ARHGAP24: variants seen among roughly 807,000 people sequenced by gnomAD.
ARHGAP24 encodes Rho GTPase activating protein 24, also known as rho GTPase-activating protein 24.
A neutral mutation model predicts 76.4 loss-of-function variants in ARHGAP24; 50 were observed. The observed-to-expected ratio is 0.65, with a 90% CI of 0.52 to 0.83. The LOEUF (loss-of-function observed/expected upper bound fraction) is 0.83, where lower values mean the gene tolerates loss of function less well. ARHGAP24 is among the 40% of genes least tolerant of loss of function. ARHGAP24 has a pLI of 0.00. For missense variants in ARHGAP24, 930 were observed against 914.2 expected (o/e 1.02, Z -0.22); for synonymous variants, 345 against 323.3 (o/e 1.07, Z -0.72).
chr4:85,944,644 G>C (rs1455087364), intron 5 of ARHGAP24, among the ~76,000 whole-genome samples: 3 of 152,032 alleles, frequency 2.0e-5, no homozygotes, highest in South Asian at 4.2e-4. Context: ...TCTTTGTCTG[G>C]GGCCTCTTTT....
intron 3 of ARHGAP24, chr4:85,779,048 C>G (rs1481607293): frequency 2.2e-6 from 2 of 891,670 alleles, no homozygotes; most frequent in South Asian, 5.2e-5. Flanking sequence ...TTTTTTTCCT[C>G]CCTCTTCACC....
intron 9 of ARHGAP24, among the ~76,000 whole-genome samples, chr4:85,997,857 ATGT>A (rs1740777836): frequency 6.6e-6 from 1 of 151,836 alleles, no homozygotes; most frequent in South Asian, 2.1e-4. Context: ...GGGTTTTACC[ATGT>A]TGGCCAGGCA....
chr4:85,733,600 A>C (rs1263458123), intron 3 of ARHGAP24, among the ~76,000 whole-genome samples: 2 of 152,132 alleles, frequency 1.3e-5, no homozygotes, highest in Non-Finnish European at 2.9e-5. Context: ...TGGGTGACAT[A>C]AGCAACAGAA....
intron 3 of ARHGAP24, among the ~76,000 whole-genome samples, chr4:85,747,832 C>CTAAA (rs1726107676): frequency 6.6e-6 from 1 of 152,140 alleles, no homozygotes; most frequent in Admixed American, 6.5e-5. Context: ...AGGACAGAAC[C>CTAAA]TAAATCATCA....
At chr4:85,848,009 A>G (rs1303285687) in intron 3 of ARHGAP24, among the ~76,000 whole-genome samples, 1 of 152,192 alleles carries the variant, frequency 6.6e-6, no homozygotes, top group Non-Finnish European at 1.5e-5. Context: ...AATAAATAGG[A>G]GAGATAGTCA....
chr4:85,749,418 C>G (rs998325658), intron 3 of ARHGAP24, among the ~76,000 whole-genome samples: 1 of 152,122 alleles, frequency 6.6e-6, no homozygotes, highest in East Asian at 1.9e-4. Flanking sequence ...AAATTATTAC[C>G]AGTTGATATA....
chr4:85,843,616 G>A (rs574746913), intron 3 of ARHGAP24, among the ~76,000 whole-genome samples: 31 of 151,978 alleles, frequency 2.0e-4, no homozygotes, highest in Admixed American at 1.2e-3. Flanking sequence ...ACATATCAAC[G>A]TATTTTGTGT....
intron 1 of ARHGAP24, among the ~76,000 whole-genome samples, chr4:85,564,355 G>A (rs1578039128): frequency 1.3e-5 from 2 of 148,488 alleles, no homozygotes; most frequent in East Asian, 4.0e-4. Flanking sequence ...AGAACACTTG[G>A]ACACAGGAAG....
At chr4:85,628,670 T>A (rs966587037) in intron 2 of ARHGAP24, among the ~76,000 whole-genome samples, 1 of 152,208 alleles carries the variant, frequency 6.6e-6, no homozygotes, top group Admixed American at 6.5e-5. Context: ...CTTTATTTAT[T>A]TAGGTGCTCT....
At chr4:85,652,340 G>A (rs1012434907) in intron 2 of ARHGAP24, among the ~76,000 whole-genome samples, 1 of 152,118 alleles carries the variant, frequency 6.6e-6, no homozygotes, top group Admixed American at 6.6e-5. Flanking sequence ...TTACTTTACT[G>A]ACTCCGTCTA....
chr4:85,716,991 C>G (rs1030371965), intron 2 of ARHGAP24, among the ~76,000 whole-genome samples: 1 of 151,960 alleles, frequency 6.6e-6, no homozygotes, highest in African/African-American at 2.4e-5. Context: ...ATCAAGAGAG[C>G]TTGGTTTATG....
rs979621591 is a variant in ARHGAP24 at position 85,995,533 on chromosome 4, A to G, written c.1879A>G (p.Ser627Gly). 1.2e-6 allele frequency: 2 copies of G among 1,609,144 alleles called. No individual in the cohort carries two copies. Among genetic ancestry groups the G allele is most frequent in the African/African-American group, 1.3e-5 (1 of 74,836 alleles). ...GGRSSRATSS[S>G]DNSETFVGNS... ...TCGAAGTAGTCGTGCCACCAGTAGC[A>G]GTGACAACAGTGAGACATTTGTGGG... Residue 627 changes from serine (S) to glycine (G), a missense_variant, in exon 9 of 10, where the codon AGT becomes GGT. Coordinates refer to ENST00000395184, the MANE Select transcript of ARHGAP24 (RefSeq NM_001025616.3).
chr4:85,672,355 G>A (rs545524024), intron 2 of ARHGAP24, among the ~76,000 whole-genome samples: 3 of 152,154 alleles, frequency 2.0e-5, no homozygotes, highest in East Asian at 3.9e-4. Context: ...CTTTCCTTTG[G>A]GAGTGAGCAA....
In ARHGAP24 at chr4:85,674,180, G is replaced by A. The variant is rs115993626; in HGVS notation, c.181-47705G>A. Among the ~76,000 whole-genome samples, 262 of 152,142 alleles carry A rather than the reference G, an allele frequency of 1.7e-3. 1 individual carries two copies. Among genetic ancestry groups the A allele is most frequent in the African/African-American group, 5.5e-3 (229 of 41,510 alleles). On this transcript the variant is annotated intron_variant, in intron 2 of 9. Coordinates refer to ENST00000395184, the MANE Select transcript of ARHGAP24 (RefSeq NM_001025616.3). ...TCTGCGGTGGGGCCCAATAATTTTC[G>A]TTTCCAACAGTTTTCCTGGATGCTG...
chr4:85,520,367 T>C lies in ARHGAP24; in HGVS notation c.-21+44808T>C, dbSNP rs76563219. On this transcript the variant is annotated intron_variant, in intron 1 of 9. Transcript: ENST00000395184. ...CATGGAACACAGAAAATGCCAAAAC[T>C]GAGGTATATTGTCTAACTCTTCCGA... Among the ~76,000 whole-genome samples the C allele has an allele frequency of 7.2e-3, 1,091 of 152,166 alleles. 5 individuals are homozygous for C. The highest frequency in any genetic ancestry group is 0.011 in the Non-Finnish European group (747 of 67,980).
chr4:85,549,598 CTG>C (rs1726048692), intron 1 of ARHGAP24, among the ~76,000 whole-genome samples: 1 of 151,878 alleles, frequency 6.6e-6, no homozygotes, highest in Admixed American at 6.6e-5. Flanking sequence ...TGCCTATACA[CTG>C]TTTTTCTTTT....
intron 2 of ARHGAP24, among the ~76,000 whole-genome samples, chr4:85,720,642 G>A (rs1724896544): frequency 6.6e-6 from 1 of 152,140 alleles, no homozygotes; most frequent in African/African-American, 2.4e-5. Flanking sequence ...TGAAATCATA[G>A]GCCTGGATGA....
intron 1 of ARHGAP24, among the ~76,000 whole-genome samples, chr4:85,494,865 A>C (rs1723497222): frequency 6.6e-6 from 1 of 151,802 alleles, no homozygotes; most frequent in Non-Finnish European, 1.5e-5. Context: ...TTGGGAGGCC[A>C]AGGTGGGGAG....
intron 3 of ARHGAP24, among the ~76,000 whole-genome samples, chr4:85,744,831 A>C (rs1034593686): frequency 6.6e-6 from 1 of 152,140 alleles, no homozygotes; most frequent in African/African-American, 2.4e-5. Flanking sequence ...ATCTTTCCCC[A>C]TGCATGCCAT....
Sources: allele counts gnomAD v4.1 joint callset (sites outside exome capture counted in the v4.1 genomes callset), GRCh38; gene constraint gnomAD v4.1.1; transcripts MANE v1.5; gene names NCBI Gene and HGNC (gene_info 2026-07-23, HGNC 2026-07-21).